Variants in C2CD3 observed in about 807,000 individuals in gnomAD.
The protein encoded by C2CD3 is C2 domain-containing protein 3.
A neutral mutation model predicts 234.0 loss-of-function variants in C2CD3; 148 were observed. The ratio of observed to expected loss-of-function variants is 0.63; its 90% CI spans 0.55 to 0.72. The LOEUF (loss-of-function observed/expected upper bound fraction) is 0.72. C2CD3 is among the 30% of genes least tolerant of loss of function. The probability of loss-of-function intolerance (pLI) is 0.00; values close to 1 mark genes in which losing one functional copy is unlikely to be tolerated. For synonymous variants in C2CD3, 1,000 were observed against 1,035.4 expected (o/e 0.97, Z 0.66); for missense variants, 2,577 against 2,811.5 (o/e 0.92, Z 1.89).
chr11:74,090,232 A>G (rs1404103547), intron 20 of C2CD3, among the ~76,000 whole-genome samples: 1 of 152,136 alleles, frequency 6.6e-6, no homozygotes, highest in Non-Finnish European at 1.5e-5. Context: ...TTTACTCTGA[A>G]TAAGATCAAA....
At chr11:74,168,637 G>T in intron 1 of C2CD3, 24 bp from the exon 2 acceptor site, 1 of 1,595,054 alleles carries the variant, frequency 6.3e-7, no homozygotes, top group South Asian at 1.1e-5. Flanking sequence ...CAAGAAAACT[G>T]AGTCAAAATT....
At chr11:74,144,632 T>C (rs1452042849) in intron 3 of C2CD3, among the ~76,000 whole-genome samples, 1 of 152,138 alleles carries the variant, frequency 6.6e-6, no homozygotes, top group African/African-American at 2.4e-5. Context: ...GGTCCCAGTG[T>C]CTATTGTTCC....
intron 3 of C2CD3, among the ~76,000 whole-genome samples, chr11:74,156,849 T>C (rs2135564446): frequency 6.6e-6 from 1 of 152,342 alleles, no homozygotes; most frequent in African/African-American, 2.4e-5. Context: ...TGTGCACCTG[T>C]AGTCCCAGCT....
intron 22 of C2CD3, among the ~76,000 whole-genome samples, 188 bp from the exon 23 acceptor site, chr11:74,078,905 G>A (rs998197068): frequency 6.6e-5 from 10 of 152,166 alleles, no homozygotes; most frequent in African/African-American, 2.2e-4. Context: ...GAAGAACAAA[G>A]GCTAGGAGTT....
intron 24 of C2CD3, among the ~76,000 whole-genome samples, chr11:74,069,037 AT>A (rs1954677481): frequency 6.6e-6 from 1 of 152,188 alleles, no homozygotes. Flanking sequence ...ACCTCAAGTG[AT>A]CTGTCTGCCT....
At chr11:74,109,922 C>CA (rs1022296865) in intron 11 of C2CD3, among the ~76,000 whole-genome samples, 22 of 148,258 alleles carry the variant, frequency 1.5e-4, no homozygotes, top group African/African-American at 2.0e-4. Flanking sequence ...AATACAACAA[C>CA]AAAAAAAAAT....
chr11:74,060,304 C>T (rs1389767718), intron 24 of C2CD3, among the ~76,000 whole-genome samples: 8 of 152,196 alleles, frequency 5.3e-5, no homozygotes, highest in East Asian at 1.9e-4. Flanking sequence ...GATCTGAGAA[C>T]GGACAGACTG....
chr11:74,143,794 C>T (rs1854973878), intron 3 of C2CD3, among the ~76,000 whole-genome samples: 1 of 151,952 alleles, frequency 6.6e-6, no homozygotes, highest in South Asian at 2.1e-4. Context: ...TGATGCAGGC[C>T]TTAAAATAAC....
intron 32 of C2CD3, among the ~76,000 whole-genome samples, chr11:74,017,711 C>A (rs1475105872): frequency 1.3e-5 from 2 of 152,208 alleles, no homozygotes; most frequent in African/African-American, 4.8e-5. Context: ...CAAGAGGAGG[C>A]ACTCTATAAA....
chr11:74,059,997 C>T (rs536852082), intron 24 of C2CD3, among the ~76,000 whole-genome samples: 9 of 152,316 alleles, frequency 5.9e-5, no homozygotes, highest in African/African-American at 1.4e-4. Context: ...GAGGGTCCCA[C>T]GCCCATGTAG....
At chr11:74,018,646 C>G (rs1050376606) in intron 32 of C2CD3, among the ~76,000 whole-genome samples, 1 of 152,156 alleles carries the variant, frequency 6.6e-6, no homozygotes, top group Admixed American at 6.5e-5. Context: ...CTGCCTTTCC[C>G]TGGGGTGGCT....
chr11:74,023,082 G>A (rs570481325), intron 32 of C2CD3, among the ~76,000 whole-genome samples: 129 of 152,376 alleles, frequency 8.5e-4, no homozygotes, highest in Non-Finnish European at 6.9e-4. Flanking sequence ...TCTACTGTGG[G>A]AGGAGGGAGG....
intron 3 of C2CD3, among the ~76,000 whole-genome samples, chr11:74,154,591 G>A (rs1447837674): frequency 6.6e-6 from 1 of 152,078 alleles, no homozygotes; most frequent in Non-Finnish European, 1.5e-5. Context: ...GAAAGTATCG[G>A]GGGTTGATAC....
At chr11:74,031,848 G>A (rs1291777558) in intron 31 of C2CD3, among the ~76,000 whole-genome samples, 1 of 152,196 alleles carries the variant, frequency 6.6e-6, no homozygotes. Context: ...CCAGGATCCA[G>A]GATGGGCAAG....
chr11:74,107,322 T>TCTCTCACACACACACA (rs948551188), intron 12 of C2CD3, among the ~76,000 whole-genome samples: 15 of 146,526 alleles, frequency 1.0e-4, no homozygotes, highest in African/African-American at 3.5e-4. Flanking sequence ...TGAAACTGTG[T>TCTCTCACACACACACA]CACACACACA....
intron 20 of C2CD3, among the ~76,000 whole-genome samples, chr11:74,090,279 A>G (rs749833006): frequency 1.7e-4 from 26 of 152,186 alleles, no homozygotes; most frequent in Non-Finnish European, 3.7e-4. Context: ...CTGTAATCCC[A>G]GCACTTTGGG....
At chr11:74,022,188 G>T (rs1952117787) in intron 32 of C2CD3, among the ~76,000 whole-genome samples, 1 of 152,148 alleles carries the variant, frequency 6.6e-6, no homozygotes, top group Admixed American at 6.5e-5. Context: ...AGAAGTAAGT[G>T]ATTCAAAAGA....
intron 2 of C2CD3, among the ~76,000 whole-genome samples, chr11:74,165,743 TC>T (rs1856763108): frequency 6.6e-6 from 1 of 152,156 alleles, no homozygotes; most frequent in East Asian, 1.9e-4. Context: ...AGCCTCGACT[TC>T]CTGGGCTCAA....
intron 22 of C2CD3, among the ~76,000 whole-genome samples, chr11:74,082,141 G>C (rs962127074): frequency 1.6e-5 from 1 of 60,930 alleles, no homozygotes. Flanking sequence ...TTTTTTTTTT[G>C]AGACGGAGTC....
Sources: gnomAD v4.1 joint callset for allele counts (sites outside exome capture counted in the v4.1 genomes callset) on GRCh38, gnomAD v4.1.1 for gene constraint, MANE v1.5 for transcripts, NCBI Gene and HGNC (gene_info 2026-07-23, HGNC 2026-07-21) for gene names.